Variants in TEX9 observed in about 807,000 individuals in gnomAD.
TEX9 encodes the protein testis-expressed protein 9.
In TEX9, 74 loss-of-function variants were observed where a neutral mutation model predicts 59.6. The observed-to-expected ratio is 1.24, with a 90% CI of 1.03 to 1.51. The LOEUF (loss-of-function observed/expected upper bound fraction) is 1.51, where lower values mean the gene tolerates loss of function less well. Among genes scored for constraint, TEX9 ranks in the 40% most tolerant of loss-of-function variants. The pLI is 0.00. For synonymous variants in TEX9, 186 were observed against 152.2 expected (o/e 1.22, Z -1.64); for missense variants, 522 against 447.8 (o/e 1.17, Z -1.49).
At chr15:56,383,446 T>C (rs1205224703) in intron 3 of TEX9, among the ~76,000 whole-genome samples, 3 of 152,232 alleles carry the variant, frequency 2.0e-5, no homozygotes, top group African/African-American at 7.2e-5. Flanking sequence ...AGGGAATGAA[T>C]AGTGTAGGCT....
At chr15:56,433,959 T>C (rs2050669326) in intron 12 of TEX9, among the ~76,000 whole-genome samples, 1 of 152,156 alleles carries the variant, frequency 6.6e-6, no homozygotes, top group Non-Finnish European at 1.5e-5. Flanking sequence ...GTTTAGCACA[T>C]AGAAAGCATC....
intron 10 of TEX9, among the ~76,000 whole-genome samples, chr15:56,418,659 C>A (rs527904208): frequency 2.4e-4 from 36 of 151,240 alleles, no homozygotes; most frequent in South Asian, 4.2e-4. Flanking sequence ...TCAAAAAAAA[C>A]CAAAAAACAA....
rs562354256 is a variant in TEX9 at position 56,305,568 on chromosome 15, T to C, written c.-107+61290T>C. The stretch of plus-strand genomic sequence containing the variant: ...AAAGGTGCTGGGAAAACTGAGTATC[T>C]ATATGCAGAAGAAAGAAATTAGACC... On this transcript the variant is annotated intron_variant, in intron 1 of 5. Coordinates refer to the TEX9 transcript ENST00000560827. Among the ~76,000 whole-genome samples the C allele has an allele frequency of 2.4e-4, 36 of 152,312 alleles. No homozygotes were observed. In the Middle Eastern group the frequency reaches 0.017, roughly 72 times the overall value.
intron 12 of TEX9, among the ~76,000 whole-genome samples, chr15:56,442,736 G>A (rs2050840339): frequency 6.6e-6 from 1 of 152,106 alleles, no homozygotes; most frequent in Admixed American, 6.5e-5. Context: ...GGGCCTACTT[G>A]AGGGTAGACA....
chr15:56,409,065 G>A (rs117895289), intron 9 of TEX9: 6,082 of 151,504 alleles, frequency 0.04, 156 homozygotes, highest in Middle Eastern at 0.071. Context: ...GCGTGGTGGC[G>A]GTTGCCTGTA....
intron 9 of TEX9, chr15:56,396,516 T>A (rs533698724): frequency 6.6e-6 from 1 of 151,864 alleles, no homozygotes; most frequent in Non-Finnish European, 1.5e-5. Flanking sequence ...ATTTTGGACT[T>A]TTCCCAAATG....
chr15:56,398,756 T>C lies in TEX9; in HGVS notation c.828+3922T>C, dbSNP rs528323648. Among the ~76,000 whole-genome samples the C allele has an allele frequency of 1.1e-4, 16 of 152,296 alleles. No homozygotes were observed. The South Asian group carries it at 1.2e-3, about 12-fold the overall frequency. The stretch of plus-strand genomic sequence containing the variant: ...GGTGACATTGATTATACTTTTCCCT[T>C]TGTAGGGGGAGAATTTTTTTTTCCC... On this transcript the variant is annotated intron_variant, in intron 9 of 12. Coordinates refer to ENST00000352903, the Ensembl canonical transcript of TEX9.
At chr15:56,432,358 G>A in intron 12 of TEX9, among the ~76,000 whole-genome samples, 1 of 152,108 alleles carries the variant, frequency 6.6e-6, no homozygotes, top group Non-Finnish European at 1.5e-5. Flanking sequence ...ACTACCTCCT[G>A]GGAAGTTTCA....
intron 1 of TEX9, among the ~76,000 whole-genome samples, chr15:56,328,454 T>C (rs1029691830): frequency 5.3e-5 from 8 of 152,028 alleles, no homozygotes; most frequent in Admixed American, 5.2e-4. Context: ...TCAGCCACAG[T>C]GGGGAAGAGC....
chr15:56,264,711 C>T (rs183050725), intron 1 of TEX9, among the ~76,000 whole-genome samples: 8 of 152,336 alleles, frequency 5.3e-5, no homozygotes, highest in Admixed American at 1.3e-4. Context: ...CTACATTATA[C>T]TGCAGTAGTT....
chr15:56,315,981 A>G (rs1308134302), intron 1 of TEX9, among the ~76,000 whole-genome samples: 2 of 151,144 alleles, frequency 1.3e-5, no homozygotes, highest in African/African-American at 4.8e-5. Context: ...GTAGCTCTCG[A>G]GCCTTGGTTT....
At chr15:56,338,473 T>C (rs1270447467) in intron 1 of TEX9, among the ~76,000 whole-genome samples, 1 of 152,114 alleles carries the variant, frequency 6.6e-6, no homozygotes, top group Admixed American at 6.5e-5. Context: ...CCACAACTTA[T>C]TTGTACAACA....
chr15:56,284,831 C>G (rs1205236326), intron 1 of TEX9, among the ~76,000 whole-genome samples: 1 of 152,180 alleles, frequency 6.6e-6, no homozygotes, highest in African/African-American at 2.4e-5. Context: ...GTAGTGCCCC[C>G]ATTTGGTCTC....
chr15:56,373,480 G>A, exon 3 of TEX9: 1 of 1,573,494 alleles, frequency 6.4e-7, no homozygotes, highest in South Asian at 1.2e-5. Context: ...CAGCTGACGT[G>A]GTTCAACAAG....
At chr15:56,289,373 T>C (rs2045030583) in intron 1 of TEX9, among the ~76,000 whole-genome samples, 1 of 152,178 alleles carries the variant, frequency 6.6e-6, no homozygotes, top group Admixed American at 6.5e-5. Context: ...AAGTTAGTTT[T>C]GCTGTGGAAA....
intron 1 of TEX9, among the ~76,000 whole-genome samples, chr15:56,323,902 G>T (rs368086833): frequency 6.6e-6 from 1 of 152,196 alleles, no homozygotes; most frequent in Non-Finnish European, 1.5e-5. Flanking sequence ...TGAAATGTAA[G>T]GCTCTGTAAG....
At chr15:56,439,105 A>G (rs2050777262) in intron 12 of TEX9, among the ~76,000 whole-genome samples, 1 of 152,192 alleles carries the variant, frequency 6.6e-6, no homozygotes, top group Non-Finnish European at 1.5e-5. Flanking sequence ...GTGAGATACA[A>G]GATAAACACA....
At chr15:56,423,200 T>C (rs1246700224) in intron 10 of TEX9, among the ~76,000 whole-genome samples, 1 of 152,230 alleles carries the variant, frequency 6.6e-6, no homozygotes, top group East Asian at 1.9e-4. Flanking sequence ...TCTTTCCTAA[T>C]GTAAGCATTT....
intron 1 of TEX9, among the ~76,000 whole-genome samples, chr15:56,323,006 A>C (rs529828663): frequency 1.9e-4 from 29 of 152,204 alleles, no homozygotes; most frequent in African/African-American, 6.3e-4. Flanking sequence ...TAAAGAACGG[A>C]GGCACAGCTA....
Sources: gnomAD v4.1 joint callset for allele counts (sites outside exome capture counted in the v4.1 genomes callset) on GRCh38, gnomAD v4.1.1 for gene constraint, MANE v1.5 for transcripts, NCBI Gene and HGNC (gene_info 2026-07-23, HGNC 2026-07-21) for gene names.